Variants in STAC observed in about 807,000 individuals in gnomAD.
STAC encodes the protein SH3 and cysteine-rich domain-containing protein.
Under a neutral mutation model 48.8 loss-of-function variants are expected in STAC, and 43 were observed. The observed-to-expected ratio is 0.88, with a 90% CI of 0.69 to 1.14. STAC has a LOEUF of 1.14. Among genes scored for constraint, STAC ranks in the 50% most tolerant of loss-of-function variants. STAC has a pLI of 0.00. For synonymous variants in STAC, 193 were observed against 179.5 expected, an observed-to-expected ratio of 1.07 and a Z score of -0.60; for missense variants, 497 against 504.0, an observed-to-expected ratio of 0.99 and a Z score of 0.13.
Position 36,453,143 on chromosome 3 carries a change from T to G in STAC, c.388+9503T>G, listed in dbSNP as rs1189795543. Reference sequence around the variant, plus strand: ...GTACTACCACATATTTCTCTAAATCTGTTTTTCTTACTATGCATATGAGAG... The same window carrying G: ...GTACTACCACATATTTCTCTAAATCGGTTTTTCTTACTATGCATATGAGAG... On this transcript the variant is annotated intron_variant, in intron 2 of 10. Transcript: ENST00000273183. 2.0e-5 allele frequency among the ~76,000 whole-genome samples: 3 copies of G among 152,284 alleles called. No homozygotes were observed. In the East Asian group the frequency reaches 5.8e-4, roughly 29 times the overall value.
At chr3:36,539,672 T>C (rs1699278296) in intron 10 of STAC, among the ~76,000 whole-genome samples, 1 of 152,098 alleles carries the variant, frequency 6.6e-6, no homozygotes, top group Admixed American at 6.5e-5. Flanking sequence ...CAGCATGTTT[T>C]CTTTGTGTCT....
chr3:36,448,549 T>G (rs1295917576), intron 2 of STAC, among the ~76,000 whole-genome samples: 1 of 152,052 alleles, frequency 6.6e-6, no homozygotes, highest in Non-Finnish European at 1.5e-5. Context: ...TGAAAATAAG[T>G]AAAGCTGGAA....
intron 8 of STAC, among the ~76,000 whole-genome samples, chr3:36,526,667 A>T (rs1401142677): frequency 3.9e-5 from 6 of 152,126 alleles, no homozygotes; most frequent in African/African-American, 7.2e-5. Flanking sequence ...CCGCATTACT[A>T]CTTATAATGA....
At chr3:36,451,958 A>C (rs1365332445) in intron 2 of STAC, among the ~76,000 whole-genome samples, 1 of 152,210 alleles carries the variant, frequency 6.6e-6, no homozygotes, top group Non-Finnish European at 1.5e-5. Flanking sequence ...CAGATTGGTG[A>C]GCAGAGATTA....
chr3:36,399,598 G>A (rs1699960048), intron 1 of STAC, among the ~76,000 whole-genome samples: 1 of 152,172 alleles, frequency 6.6e-6, no homozygotes, highest in Non-Finnish European at 1.5e-5. Flanking sequence ...AAAGTGCTGA[G>A]TGATGGAGGA....
At chr3:36,531,676 A>G (rs1315902961) in intron 10 of STAC, among the ~76,000 whole-genome samples, 1 of 152,118 alleles carries the variant, frequency 6.6e-6, no homozygotes, top group Non-Finnish European at 1.5e-5. Context: ...GGAGAAAGGG[A>G]GCAGAAAGGA....
chr3:36,486,331 CA>C, intron 5 of STAC, 82 bp downstream of exon 5: 3 of 1,211,314 alleles, frequency 2.5e-6, no homozygotes, highest in Non-Finnish European at 3.5e-6. Flanking sequence ...TGGGGTATTC[CA>C]CCTGACTGCC....
intron 10 of STAC, among the ~76,000 whole-genome samples, chr3:36,539,311 G>A (rs1699268559): frequency 6.6e-6 from 1 of 152,028 alleles, no homozygotes; most frequent in African/African-American, 2.4e-5. Flanking sequence ...TAGGTATTAA[G>A]CCTAGCACCC....
At chr3:36,538,565 T>C (rs1254172068) in intron 10 of STAC, among the ~76,000 whole-genome samples, 1 of 152,204 alleles carries the variant, frequency 6.6e-6, no homozygotes. Flanking sequence ...CGTGTACAAT[T>C]CTTGATGCAT....
intron 1 of STAC, among the ~76,000 whole-genome samples, chr3:36,387,659 T>C (rs73054118): frequency 0.018 from 2,749 of 152,258 alleles, 49 homozygotes; most frequent in Non-Finnish European, 0.025. Context: ...GTGGCATGTA[T>C]CAGAATTCCC....
chr3:36,464,811 G>GGTGT (rs144282261), intron 2 of STAC, among the ~76,000 whole-genome samples: 9 of 150,218 alleles, frequency 6.0e-5, no homozygotes, highest in African/African-American at 1.5e-4. Flanking sequence ...AGTATTCCAT[G>GGTGT]GTGTGTGTGT....
intron 1 of STAC, among the ~76,000 whole-genome samples, chr3:36,403,847 T>C (rs562406892): frequency 6.6e-6 from 1 of 152,316 alleles, no homozygotes; most frequent in East Asian, 1.9e-4. Context: ...AATCCAATAC[T>C]GAGTCATTTG....
chr3:36,408,785 C>T (rs1700135061), intron 1 of STAC, among the ~76,000 whole-genome samples: 1 of 152,178 alleles, frequency 6.6e-6, no homozygotes, highest in Non-Finnish European at 1.5e-5. Context: ...TGTCATTCTG[C>T]TGCTGAACTA....
intron 10 of STAC, among the ~76,000 whole-genome samples, chr3:36,531,593 A>C (rs1375887733): frequency 6.6e-6 from 1 of 152,178 alleles, no homozygotes; most frequent in African/African-American, 2.4e-5. Flanking sequence ...GTCTCACCAC[A>C]GCCCACCCAC....
intron 3 of STAC, among the ~76,000 whole-genome samples, chr3:36,484,549 C>T (rs1020565204): frequency 3.2e-4 from 48 of 152,190 alleles, no homozygotes; most frequent in African/African-American, 1.2e-3. Context: ...TATACAGGAG[C>T]TTTTAGGCCT....
intron 8 of STAC, among the ~76,000 whole-genome samples, chr3:36,526,941 G>A (rs937401790): frequency 2.0e-5 from 3 of 152,164 alleles, no homozygotes; most frequent in Non-Finnish European, 4.4e-5. Context: ...AGGATAGGAG[G>A]AGGAGGCGGC....
chr3:36,402,079 CCT>C (rs1491380860), intron 1 of STAC, among the ~76,000 whole-genome samples: 1 of 152,092 alleles, frequency 6.6e-6, no homozygotes, highest in African/African-American at 2.4e-5. Flanking sequence ...ACTCTAAGTC[CCT>C]GTTTGTTTGT....
intron 10 of STAC, among the ~76,000 whole-genome samples, chr3:36,545,418 C>T (rs1196006922): frequency 6.6e-6 from 1 of 152,296 alleles, no homozygotes; most frequent in Non-Finnish European, 1.5e-5. Context: ...CTCAATAAGT[C>T]ACTTGTACAA....
intron 5 of STAC, among the ~76,000 whole-genome samples, chr3:36,490,985 C>G (rs1489259845): frequency 6.6e-6 from 1 of 152,184 alleles, no homozygotes; most frequent in Admixed American, 6.5e-5. Flanking sequence ...GTTCTGAGAG[C>G]TGCAGGGAGA....
Sources: gnomAD v4.1 joint callset for allele counts (sites outside exome capture counted in the v4.1 genomes callset) on GRCh38, gnomAD v4.1.1 for gene constraint, MANE v1.5 for transcripts, NCBI Gene and HGNC (gene_info 2026-07-23, HGNC 2026-07-21) for gene names.